The following CCDC172 variants were observed in gnomAD, a reference collection of about 807,000 sequenced individuals.
The protein encoded by CCDC172 is coiled-coil domain containing 172.
In CCDC172, 30 loss-of-function variants were observed where a neutral mutation model predicts 38.0. That is an observed-to-expected ratio of 0.79 (90% confidence interval 0.59 to 1.07). The LOEUF (loss-of-function observed/expected upper bound fraction) is 1.07. Ranked by LOEUF, CCDC172 falls within the 50% of genes least tolerant of loss-of-function variation. The probability of loss-of-function intolerance (pLI) is 0.00; values close to 1 mark genes in which losing one functional copy is unlikely to be tolerated. For missense variants in CCDC172, 297 were observed against 290.1 expected (o/e 1.02, Z -0.17); for synonymous variants, 78 against 88.3 (o/e 0.88, Z 0.66).
intron 3 of CCDC172, among the ~76,000 whole-genome samples, chr10:116,332,187 C>T (rs1405854525): frequency 6.6e-6 from 1 of 152,090 alleles, no homozygotes; most frequent in African/African-American, 2.4e-5. Context: ...TTACACTGAG[C>T]TGTCTATTTG....
chr10:116,361,776 C>G (rs562682389), intron 7 of CCDC172, among the ~76,000 whole-genome samples: 1 of 152,254 alleles, frequency 6.6e-6, no homozygotes, highest in South Asian at 2.1e-4. Flanking sequence ...AGAGGTCACA[C>G]TGTTGGTCCT....
chr10:116,378,067 G>A lies in CCDC172; in HGVS notation c.654-356G>A, dbSNP rs1845269414. 6.6e-5 allele frequency among the ~76,000 whole-genome samples: 10 copies of A among 152,200 alleles called. 1 individual carries two copies. In the South Asian group the frequency reaches 2.1e-3, roughly 32 times the overall value. On this transcript the variant is annotated intron_variant, in intron 7 of 8. Coordinates refer to ENST00000333254, the MANE Select transcript of CCDC172 (RefSeq NM_198515.3). ...GTGGTGGCAGCCGCCTGTAATCCCA[G>A]CTACTTGGGAGGCTGAGGCAGGAGA...
intron 3 of CCDC172, among the ~76,000 whole-genome samples, chr10:116,326,995 T>G (rs1392369598): frequency 6.6e-6 from 1 of 152,202 alleles, no homozygotes; most frequent in Non-Finnish European, 1.5e-5. Context: ...GAAAAGGAAT[T>G]AAGACACTTT....
chr10:116,374,933 G>A (rs556818828), intron 7 of CCDC172, among the ~76,000 whole-genome samples: 6 of 150,606 alleles, frequency 4.0e-5, no homozygotes, highest in African/African-American at 7.3e-5. Context: ...CTGTACTAGC[G>A]GTCTGGAAGT....
At chr10:116,354,781 A>G (rs952182132) in intron 5 of CCDC172, among the ~76,000 whole-genome samples, 12 of 152,188 alleles carry the variant, frequency 7.9e-5, no homozygotes, top group Non-Finnish European at 1.8e-4. Flanking sequence ...CATCCATGTT[A>G]TTGCCCCTGA....
intron 7 of CCDC172, among the ~76,000 whole-genome samples, chr10:116,375,538 A>AT (rs1845234982): frequency 6.6e-6 from 1 of 151,170 alleles, no homozygotes; most frequent in South Asian, 2.1e-4. Flanking sequence ...GAGTGAGAAC[A>AT]TGCGGTGTTT....
intron 7 of CCDC172, among the ~76,000 whole-genome samples, chr10:116,371,231 T>C (rs1014469422): frequency 6.6e-6 from 1 of 151,868 alleles, no homozygotes; most frequent in African/African-American, 2.4e-5. Context: ...TCTGATTTTA[T>C]TGAAAGTTTT....
intron 7 of CCDC172, among the ~76,000 whole-genome samples, chr10:116,364,693 C>A (rs1356780113): frequency 6.6e-6 from 1 of 152,042 alleles, no homozygotes; most frequent in African/African-American, 2.4e-5. Flanking sequence ...CAAATACATA[C>A]ACACAAAAGC....
chr10:116,333,206 T>C, intron 3 of CCDC172, among the ~76,000 whole-genome samples: 1 of 152,170 alleles, frequency 6.6e-6, no homozygotes. Flanking sequence ...AGGGTTCATG[T>C]TGTTATTCTG....
chr10:116,368,237 A>G (rs1845146264), intron 7 of CCDC172, among the ~76,000 whole-genome samples: 1 of 152,072 alleles, frequency 6.6e-6, no homozygotes, highest in Non-Finnish European at 1.5e-5. Flanking sequence ...ACCCTTTGAT[A>G]CCTTGTACAT....
chr10:116,370,916 A>G (rs1845179558), intron 7 of CCDC172, among the ~76,000 whole-genome samples: 1 of 151,628 alleles, frequency 6.6e-6, no homozygotes, highest in Non-Finnish European at 1.5e-5. Context: ...CACCTTACTA[A>G]ATTATTTTAT....
At chr10:116,358,700 T>C (rs925697014) in intron 7 of CCDC172, among the ~76,000 whole-genome samples, 2 of 152,186 alleles carry the variant, frequency 1.3e-5, no homozygotes, top group Non-Finnish European at 2.9e-5. Flanking sequence ...TTTTAGTAGA[T>C]TGTGAGACAA....
chr10:116,373,342 A>G (rs7088793), intron 7 of CCDC172, among the ~76,000 whole-genome samples: 17,638 of 152,190 alleles, frequency 0.12, 1,569 homozygotes, highest in African/African-American at 0.25. Context: ...ACTTTTAATT[A>G]ATGTAACAAA....
intron 5 of CCDC172, among the ~76,000 whole-genome samples, chr10:116,354,939 C>T (rs1844977138): frequency 6.6e-6 from 1 of 152,044 alleles, no homozygotes; most frequent in African/African-American, 2.4e-5. Flanking sequence ...AGAAGTAAAA[C>T]ATAATATATT....
At chr10:116,344,835 A>G (rs1246640981) in intron 5 of CCDC172, among the ~76,000 whole-genome samples, 2 of 150,666 alleles carry the variant, frequency 1.3e-5, no homozygotes, top group Non-Finnish European at 3.0e-5. Flanking sequence ...ACTTTCTTCT[A>G]TCTTAGAAAT....
At chr10:116,360,719 A>G (rs1169571412) in intron 7 of CCDC172, among the ~76,000 whole-genome samples, 1 of 152,054 alleles carries the variant, frequency 6.6e-6, no homozygotes, top group Non-Finnish European at 1.5e-5. Flanking sequence ...TCTTTGGAAC[A>G]TTGCCTGCCT....
At chr10:116,364,103 G>C (rs181174922) in intron 7 of CCDC172, among the ~76,000 whole-genome samples, 20 of 152,070 alleles carry the variant, frequency 1.3e-4, no homozygotes, top group African/African-American at 4.6e-4. Context: ...TTAAATTAGT[G>C]GTTCTTTATC....
intron 5 of CCDC172, among the ~76,000 whole-genome samples, chr10:116,349,870 G>A (rs916881398): frequency 6.6e-6 from 1 of 152,090 alleles, no homozygotes; most frequent in African/African-American, 2.4e-5. Context: ...TTGCAGTGGG[G>A]TGTGTGGTAC....
rs1214848603 is a variant in CCDC172 at position 116,379,304 on chromosome 10, T to C, written c.742-19T>C. ...GAATTTACTTTTCCTCATGAGTAATTACTATGTTTTCTTTTCAGACATTGG... is the reference window on the plus strand; with the variant it reads ...GAATTTACTTTTCCTCATGAGTAATCACTATGTTTTCTTTTCAGACATTGG... On this transcript the variant is annotated intron_variant, in intron 8 of 8. Transcript: ENST00000333254. 8 of 1,524,574 alleles carry C rather than the reference T, an allele frequency of 5.2e-6. No individual in the cohort carries two copies. Among genetic ancestry groups the C allele is most frequent in the Non-Finnish European group, 7.1e-6 (8 of 1,122,656 alleles). 94.4% of individuals were successfully genotyped at this position (1,524,574 alleles called of 1,614,324 possible).
Sources: gnomAD v4.1 joint callset for allele counts (sites outside exome capture counted in the v4.1 genomes callset) on GRCh38, gnomAD v4.1.1 for gene constraint, MANE v1.5 for transcripts, NCBI Gene and HGNC (gene_info 2026-07-23, HGNC 2026-07-21) for gene names.